KCNK3: variants seen among roughly 807,000 people sequenced by gnomAD.
The protein encoded by KCNK3 is potassium two pore domain channel subfamily K member 3.
Under a neutral mutation model 27.3 loss-of-function variants are expected in KCNK3, and 9 were observed. That is an observed-to-expected ratio of 0.33 (90% CI 0.20 to 0.57). KCNK3 has a LOEUF of 0.57. Ranked by LOEUF, KCNK3 falls within the 20% of genes least tolerant of loss-of-function variation. The probability of loss-of-function intolerance (pLI) is 0.87; values close to 1 mark genes in which losing one functional copy is unlikely to be tolerated. For synonymous variants in KCNK3, 278 were observed against 273.8 expected (o/e 1.02, Z -0.15); for missense variants, 391 against 577.7 (o/e 0.68, Z 3.31).
chr2:26,719,266 C>A (rs1353684853), intron 1 of KCNK3, among the ~76,000 whole-genome samples: 1 of 152,188 alleles, frequency 6.6e-6, no homozygotes, highest in Non-Finnish European at 1.5e-5. Flanking sequence ...TCGTATCATG[C>A]AGCTGCCTTT....
At position 26,728,172 on chromosome 2, in the gene KCNK3, G is replaced by A. The variant is rs962391705; in HGVS notation, c.789G>A (p.Leu263=). ...DEKRDAEHRA[L]LTRNGQAGGG... ...AGCGCGACGCCGAGCACCGCGCGCT[G>A]CTCACGCGCAACGGGCAGGCGGGCG... is the stretch of plus-strand genomic sequence containing the variant. The change falls in exon 2 of 2, where the codon CTG becomes CTA. Residue 263 remains leucine, a synonymous_variant. Coordinates refer to ENST00000302909, the MANE Select transcript of KCNK3 (RefSeq NM_002246.3). 2 of 1,574,130 alleles carry A rather than the reference G, an allele frequency of 1.3e-6. No individual in the cohort carries two copies. Among genetic ancestry groups the A allele is most frequent in the South Asian group, 2.3e-5 (2 of 87,108 alleles).
chr2:26,707,999 G>T (rs1467835200), intron 1 of KCNK3, among the ~76,000 whole-genome samples: 1 of 152,168 alleles, frequency 6.6e-6, no homozygotes, highest in Non-Finnish European at 1.5e-5. Flanking sequence ...CCCATTCTAG[G>T]CCCCAGGGAC....
rs879519731 is a variant in KCNK3 at position 26,693,774 on chromosome 2, T to C, written c.283+616T>C. On this transcript the variant is annotated intron_variant, in intron 1 of 1. Transcript: ENST00000302909. The surrounding 1 kb of genome is among the most constrained non-coding windows in gnomAD (Gnocchi z 5.5). The stretch of plus-strand genomic sequence containing the variant: ...TGGTGCGGGAAGCCAGATCTGGCCT[T>C]GTCAGCCTTCTTCTCTGCTGTCCCA... Among the ~76,000 whole-genome samples the C allele has an allele frequency of 1.1e-4, 16 of 152,204 alleles. No individual in the cohort carries two copies. Among genetic ancestry groups the C allele is most frequent in the Admixed American group, 4.6e-4 (7 of 15,292 alleles).
rs150814150 is a variant in KCNK3, at chr2:26,703,996, G to A, written c.283+10838G>A. Among the ~76,000 whole-genome samples, 708 of 152,192 alleles carry A rather than the reference G, an allele frequency of 4.7e-3. 9 individuals are homozygous for A. Among genetic ancestry groups the A allele is most frequent in the African/African-American group, 0.016 (671 of 41,522 alleles). The stretch of plus-strand genomic sequence containing the variant: ...GCACTGGAAGACAGAGGATAGGCCC[G>A]ATCTGTGTGCCCCTGCCTGAGTCCT... On this transcript the variant is annotated intron_variant, in intron 1 of 1. Transcript: ENST00000302909.
At chr2:26,706,787 G>T (rs930393138) in intron 1 of KCNK3, among the ~76,000 whole-genome samples, 2 of 152,100 alleles carry the variant, frequency 1.3e-5, no homozygotes, top group Non-Finnish European at 2.9e-5. Context: ...CAGGCATCTC[G>T]TCCTTTCTTG....
chr2:26,721,758 G>C lies in KCNK3; in HGVS notation c.284-5909G>C, dbSNP rs1250076086. Reference sequence around the variant, plus strand: ...CCCAAGCCACACTGAGGTCACTTCGGCATCAGCCCAGAGTTCACGGCCTTT... The same window carrying C: ...CCCAAGCCACACTGAGGTCACTTCGCCATCAGCCCAGAGTTCACGGCCTTT... On this transcript the variant is annotated intron_variant, in intron 1 of 1. Coordinates refer to ENST00000302909, the MANE Select transcript of KCNK3 (RefSeq NM_002246.3). This position sits in a 1 kb window ranked among gnomAD's most constrained non-coding sequence, Gnocchi z 4.3. 6.6e-6 allele frequency among the ~76,000 whole-genome samples: 1 copy of C among 152,214 alleles called. No individual in the cohort carries two copies. The highest frequency in any genetic ancestry group is 1.5e-5 in the Non-Finnish European group (1 of 68,040).
intron 1 of KCNK3, among the ~76,000 whole-genome samples, chr2:26,701,379 G>A (rs928400939): frequency 6.6e-5 from 10 of 152,168 alleles, no homozygotes; most frequent in Non-Finnish European, 1.2e-4. Context: ...AAAGGGAAGT[G>A]GAGAAGGTGG....
chr2:26,727,001 A>C (rs1004593470), intron 1 of KCNK3, among the ~76,000 whole-genome samples: 1 of 152,186 alleles, frequency 6.6e-6, no homozygotes, highest in Non-Finnish European at 1.5e-5. Context: ...AGGGGCAGGC[A>C]GTCTCCTTTC....
At chr2:26,726,693 G>C (rs1308134982) in intron 1 of KCNK3, among the ~76,000 whole-genome samples, 1 of 145,678 alleles carries the variant, frequency 6.9e-6, no homozygotes, top group African/African-American at 2.5e-5. Flanking sequence ...TTTCCCTCCA[G>C]TTAGCCGGAA....
intron 1 of KCNK3, among the ~76,000 whole-genome samples, chr2:26,705,948 C>T (rs1004237103): frequency 6.6e-6 from 1 of 152,132 alleles, no homozygotes; most frequent in East Asian, 1.9e-4. Context: ...TTGCTGGAAC[C>T]AGAGTCATGG....
intron 1 of KCNK3, among the ~76,000 whole-genome samples, chr2:26,713,512 G>A (rs1476957981): frequency 1.3e-5 from 2 of 152,174 alleles, no homozygotes; most frequent in East Asian, 3.9e-4. Flanking sequence ...GGACACGGTG[G>A]CTCATGCCTG....
chr2:26,728,622 G>A lies in KCNK3; in HGVS notation c.*54G>A. The A allele has an allele frequency of 7.2e-7, 1 of 1,381,844 alleles. No individual in the cohort carries two copies. Among genetic ancestry groups the A allele is most frequent in the African/African-American group, 1.5e-5 (1 of 66,034 alleles). 85.6% of individuals were successfully genotyped at this position (1,381,844 alleles called of 1,614,324 possible). A position where few individuals can be genotyped will look rare whatever the true frequency, so the allele number is the denominator to read the frequency against. The stretch of plus-strand genomic sequence containing the variant: ...GGCGCGGGCGGGGGACCCCTGCTGG[G>A]AGGCCAGGAGACTGCCCCTGCTGCC... On this transcript the variant is annotated 3_prime_UTR_variant, in exon 2 of 2. Coordinates refer to ENST00000302909, the MANE Select transcript of KCNK3 (RefSeq NM_002246.3).
chr2:26,708,503 G>A (rs758371471), intron 1 of KCNK3, among the ~76,000 whole-genome samples: 5 of 152,216 alleles, frequency 3.3e-5, no homozygotes, highest in Admixed American at 1.3e-4. Context: ...GTGAAACCCT[G>A]TCTCTACTAA....
chr2:26,728,423 C>A lies in KCNK3; in HGVS notation c.1040C>A (p.Pro347Gln). 1 of 1,591,098 alleles carries A rather than the reference C, an allele frequency of 6.3e-7. No individual in the cohort carries two copies. The highest frequency in any genetic ancestry group is 8.6e-7 in the Non-Finnish European group (1 of 1,165,418). Reference sequence around the variant, plus strand: ...TGCGTGGAGCAGAGCCACTCGTCGCCGGGAGGGGGCGGCCGCTACAGCGAC... The same window carrying A: ...TGCGTGGAGCAGAGCCACTCGTCGCAGGGAGGGGGCGGCCGCTACAGCGAC... Reference protein sequence around the residue: ...DTCVEQSHSSPGGGGRYSDTP... With the variant: ...DTCVEQSHSSQGGGGRYSDTP... The change falls in exon 2 of 2, where the codon CCG becomes CAG. Residue 347 changes from proline to glutamine, a missense_variant. By Grantham distance (76) the Pro-to-Gln change is moderately conservative. This residue lies in a region of KCNK3 where 192 missense variants were observed against 196.0 expected (regional missense o/e 0.98). Transcript: ENST00000302909.
In KCNK3 at chr2:26,717,452, T is replaced by C. The variant is rs75375175; in HGVS notation, c.284-10215T>C. Among the ~76,000 whole-genome samples the C allele has an allele frequency of 3.9e-5, 6 of 152,332 alleles. No homozygotes were observed. The East Asian group carries it at 1.2e-3, about 29-fold the overall frequency. On this transcript the variant is annotated intron_variant, in intron 1 of 1. Coordinates refer to ENST00000302909, the MANE Select transcript of KCNK3 (RefSeq NM_002246.3). ...TCGGGCCAGCCAGATGCCAGCGTCA[T>C]GGACAGGGCCTTGAAAAAAGCATGT... is the stretch of plus-strand genomic sequence containing the variant.
rs570033489 is a variant in KCNK3, at chr2:26,731,933, C to T, written c.*3365C>T. On this transcript the variant is annotated 3_prime_UTR_variant, in exon 2 of 2. Coordinates refer to ENST00000302909, the MANE Select transcript of KCNK3 (RefSeq NM_002246.3). Reference sequence around the variant, plus strand: ...CACCCCAGCTGACAGTGGTACCTCCCAGTCAGCCAGGAGAATGGATTCCTT... The same window carrying T: ...CACCCCAGCTGACAGTGGTACCTCCTAGTCAGCCAGGAGAATGGATTCCTT... 6.6e-6 allele frequency: 1 copy of T among 152,384 alleles called. No individual in the cohort carries two copies. The highest frequency in any genetic ancestry group is 2.1e-4 in the South Asian group (1 of 4,824). The allele number at this position is 152,384 out of a possible 1,614,324, so 9.4% of individuals were successfully genotyped here. A position where few individuals can be genotyped will look rare whatever the true frequency, so the allele number is the denominator to read the frequency against.
chr2:26,706,975 G>C (rs1040254547), intron 1 of KCNK3, among the ~76,000 whole-genome samples: 1 of 152,096 alleles, frequency 6.6e-6, no homozygotes, highest in African/African-American at 2.4e-5. Context: ...TGTTGCACCT[G>C]CCCTGGCCTC....
chr2:26,718,195 C>G (rs569772158), intron 1 of KCNK3, among the ~76,000 whole-genome samples: 2 of 152,094 alleles, frequency 1.3e-5, no homozygotes, highest in Non-Finnish European at 2.9e-5. Flanking sequence ...CTGCCCCCAT[C>G]TCCCACAGCC....
At position 26,721,714 on chromosome 2, in the gene KCNK3, C is replaced by T. The variant is rs1663331140; in HGVS notation, c.284-5953C>T. On this transcript the variant is annotated intron_variant, in intron 1 of 1. Coordinates refer to ENST00000302909, the MANE Select transcript of KCNK3 (RefSeq NM_002246.3). This position sits in a 1 kb window ranked among gnomAD's most constrained non-coding sequence, Gnocchi z 4.3. ...CTGTCTCCCCCAAGCCCGCACTCCT[C>T]TCTGGCTGCCACACCAGGCCCAAGC... Among the ~76,000 whole-genome samples the T allele has an allele frequency of 6.6e-6, 1 of 152,250 alleles. No individual in the cohort carries two copies. The highest frequency in any genetic ancestry group is 2.4e-5 in the African/African-American group (1 of 41,466).
Sources: allele counts gnomAD v4.1 joint callset (sites outside exome capture counted in the v4.1 genomes callset), GRCh38; gene constraint gnomAD v4.1.1; regional missense constraint gnomAD v4.1.1; non-coding constraint Gnocchi (gnomAD v3.1); transcripts MANE v1.5; gene names NCBI Gene and HGNC (gene_info 2026-07-23, HGNC 2026-07-21).